Variants in SYNDIG1 observed in about 807,000 individuals in gnomAD.
SYNDIG1 encodes the protein synapse differentiation-inducing gene protein 1.
Under a neutral mutation model 19.4 loss-of-function variants are expected in SYNDIG1, and 9 were observed. The observed-to-expected ratio is 0.46, with a 90% CI of 0.28 to 0.81. The LOEUF is 0.81. SYNDIG1 is among the 30% of genes least tolerant of loss of function. SYNDIG1 has a pLI of 0.12. For missense variants in SYNDIG1, 311 were observed against 343.3 expected, an observed-to-expected ratio of 0.91 and a Z score of 0.74; for synonymous variants, 141 against 145.9, an observed-to-expected ratio of 0.97 and a Z score of 0.24.
chr20:24,533,572 G>A (rs1053949358), intron 1 of SYNDIG1, among the ~76,000 whole-genome samples: 1 of 151,998 alleles, frequency 6.6e-6, no homozygotes, highest in Non-Finnish European at 1.5e-5. Flanking sequence ...AAGCACCACC[G>A]AGGACCAAGG....
At chr20:24,543,655 T>G in intron 2 of SYNDIG1, 78 bp downstream of exon 2, 1 of 1,534,952 alleles carries the variant, frequency 6.5e-7, no homozygotes, top group Non-Finnish European at 8.7e-7. Flanking sequence ...CATGAATGCC[T>G]GGCAAAAGTT....
chr20:24,604,719 G>T (rs1490642267), intron 3 of SYNDIG1, among the ~76,000 whole-genome samples: 1 of 152,162 alleles, frequency 6.6e-6, no homozygotes, highest in East Asian at 1.9e-4. Context: ...TGCTCTGCCT[G>T]TGGAGTAGCC....
chr20:24,605,310 G>T (rs1264298765), intron 3 of SYNDIG1, among the ~76,000 whole-genome samples: 1 of 152,204 alleles, frequency 6.6e-6, no homozygotes, highest in Non-Finnish European at 1.5e-5. Context: ...GCAGACAAAT[G>T]CATTGAAAAA....
intron 3 of SYNDIG1, among the ~76,000 whole-genome samples, chr20:24,628,898 A>G (rs527357822): frequency 3.3e-5 from 5 of 152,120 alleles, no homozygotes; most frequent in Non-Finnish European, 7.4e-5. Context: ...GTGGGAGGGA[A>G]AGCAAGCAGG....
intron 3 of SYNDIG1, among the ~76,000 whole-genome samples, chr20:24,594,065 G>A (rs2058555988): frequency 6.6e-6 from 1 of 152,054 alleles, no homozygotes; most frequent in South Asian, 2.1e-4. Flanking sequence ...TTTTGGTTTT[G>A]TTTCTATTGT....
rs146301956 is a variant in SYNDIG1, at chr20:24,665,397, C to G, written c.670C>G (p.Arg224Gly). The change falls in exon 4 of 4, where the codon CGG (arginine) becomes GGG (glycine). Residue 224 changes from arginine to glycine, a missense_variant. Physicochemically the swap from Arg to Gly is moderately radical, Grantham distance 125. Coordinates refer to ENST00000376862, the MANE Select transcript of SYNDIG1 (RefSeq NM_024893.3). ...CTTGCACCAGGCCAGCACCAGCTCC[C>G]GGCGGGCCCTATTCCTGGCAGTGCT... is the stretch of plus-strand genomic sequence containing the variant. ...GDLHQASTSS[R>G]RALFLAVLSI... 1 of 1,612,088 alleles carries G rather than the reference C, an allele frequency of 6.2e-7. No individual in the cohort carries two copies. Among genetic ancestry groups the G allele is most frequent in the Non-Finnish European group, 8.5e-7 (1 of 1,179,318 alleles).
intron 2 of SYNDIG1, among the ~76,000 whole-genome samples, chr20:24,574,718 A>G (rs8119899): frequency 0.015 from 2,240 of 152,276 alleles, 58 homozygotes; most frequent in African/African-American, 0.051. Context: ...CAAGTCCTCT[A>G]ATATAATGAT....
chr20:24,530,421 T>G (rs1459608229), intron 1 of SYNDIG1, among the ~76,000 whole-genome samples: 1 of 152,216 alleles, frequency 6.6e-6, no homozygotes, highest in African/African-American at 2.4e-5. Flanking sequence ...ATTTAAATGC[T>G]AAATAGTAAT....
At chr20:24,524,328 C>T (rs2057069409) in intron 1 of SYNDIG1, among the ~76,000 whole-genome samples, 1 of 152,168 alleles carries the variant, frequency 6.6e-6, no homozygotes, top group African/African-American at 2.4e-5. Flanking sequence ...TTAGATTCCT[C>T]ATCTACTGTT....
intron 2 of SYNDIG1, among the ~76,000 whole-genome samples, chr20:24,555,789 G>A (rs1306834140): frequency 1.3e-5 from 2 of 151,996 alleles, no homozygotes; most frequent in African/African-American, 4.8e-5. Flanking sequence ...CTGTTGATTT[G>A]GGGTGGAGAG....
intron 1 of SYNDIG1, among the ~76,000 whole-genome samples, chr20:24,529,067 T>C (rs2057186718): frequency 6.6e-6 from 1 of 152,160 alleles, no homozygotes; most frequent in Non-Finnish European, 1.5e-5. Flanking sequence ...CCAAAATAAT[T>C]TTAGAGGTGA....
At chr20:24,642,106 A>G (rs779684594) in intron 3 of SYNDIG1, among the ~76,000 whole-genome samples, 1 of 152,264 alleles carries the variant, frequency 6.6e-6, no homozygotes, top group Non-Finnish European at 1.5e-5. Context: ...GTCCCATCCA[A>G]GAAACCATAT....
intron 1 of SYNDIG1, among the ~76,000 whole-genome samples, chr20:24,482,674 G>C (rs576547557): frequency 6.6e-6 from 1 of 152,202 alleles, no homozygotes; most frequent in Admixed American, 6.5e-5. Flanking sequence ...TGTCAAAAGG[G>C]GATGGTTAAA....
intron 2 of SYNDIG1, among the ~76,000 whole-genome samples, chr20:24,568,469 C>A (rs1291836254): frequency 1.3e-5 from 2 of 152,120 alleles, no homozygotes; most frequent in East Asian, 3.9e-4. Context: ...GTCTGTCATC[C>A]TCTCATTTTT....
At chr20:24,531,714 A>G (rs2069858029) in intron 1 of SYNDIG1, among the ~76,000 whole-genome samples, 1 of 152,156 alleles carries the variant, frequency 6.6e-6, no homozygotes, top group South Asian at 2.1e-4. Context: ...TTTACAATGC[A>G]TAATTCCCCC....
At chr20:24,562,104 T>C (rs2146885120) in intron 2 of SYNDIG1, among the ~76,000 whole-genome samples, 1 of 152,258 alleles carries the variant, frequency 6.6e-6, no homozygotes, top group East Asian at 1.9e-4. Context: ...GGAATCAGTT[T>C]CACCTCCTTA....
chr20:24,562,534 G>T (rs2057966842), intron 2 of SYNDIG1, among the ~76,000 whole-genome samples: 2 of 152,134 alleles, frequency 1.3e-5, no homozygotes, highest in South Asian at 4.1e-4. Flanking sequence ...CTCATCTTAT[G>T]TGCATCAATA....
At chr20:24,661,193 G>A (rs2059581801) in intron 3 of SYNDIG1, among the ~76,000 whole-genome samples, 1 of 152,098 alleles carries the variant, frequency 6.6e-6, no homozygotes, top group African/African-American at 2.4e-5. Context: ...GTGGGGGCGG[G>A]GAGGTCCCCG....
intron 1 of SYNDIG1, among the ~76,000 whole-genome samples, chr20:24,493,985 C>G (rs1440635962): frequency 6.6e-6 from 1 of 152,200 alleles, no homozygotes; most frequent in African/African-American, 2.4e-5. Flanking sequence ...GGGGACAGAG[C>G]CGCGGATACT....
Sources: allele counts gnomAD v4.1 joint callset (sites outside exome capture counted in the v4.1 genomes callset), GRCh38; gene constraint gnomAD v4.1.1; transcripts MANE v1.5; gene names NCBI Gene and HGNC (gene_info 2026-07-23, HGNC 2026-07-21).